Variants in ATXN7L1 observed in about 807,000 individuals in gnomAD.
The protein encoded by ATXN7L1 is ataxin 7 like 1, also known as ataxin-7-like protein 1.
ATXN7L1 carries 15 observed loss-of-function variants against 70.8 expected under a neutral mutation model. The observed-to-expected ratio is 0.21, with a 90% CI of 0.14 to 0.33. ATXN7L1 has a LOEUF of 0.33. Ranked by LOEUF, ATXN7L1 falls within the 10% of genes least tolerant of loss-of-function variation. ATXN7L1 has a pLI of 1.00. For synonymous variants in ATXN7L1, 440 were observed against 445.1 expected (o/e 0.99, Z 0.14); for missense variants, 975 against 1,097.1 (o/e 0.89, Z 1.57).
chr7:105,780,087 A>C (rs1407352172), intron 3 of ATXN7L1, among the ~76,000 whole-genome samples: 3 of 152,238 alleles, frequency 2.0e-5, no homozygotes, highest in African/African-American at 7.2e-5. Context: ...CACTGACATC[A>C]GGAGGGACTA....
chr7:105,867,123 C>T lies in ATXN7L1; in HGVS notation c.250+8689G>A, dbSNP rs1016685303. ...CCGCCGGCTGAAAGCATCAACATGGCCTCACAGTCTTAACTGATGCTGCAG... is the reference window on the plus strand; with the variant it reads ...CCGCCGGCTGAAAGCATCAACATGGTCTCACAGTCTTAACTGATGCTGCAG... On this transcript the variant is annotated intron_variant, in intron 2 of 11. Transcript: ENST00000419735. Among the ~76,000 whole-genome samples, 3 of 152,166 alleles carry T rather than the reference C, an allele frequency of 2.0e-5. No homozygotes were observed. In the East Asian group the frequency reaches 5.8e-4, roughly 29 times the overall value.
At chr7:105,855,504 A>G (rs1226578076) in intron 2 of ATXN7L1, among the ~76,000 whole-genome samples, 1 of 152,230 alleles carries the variant, frequency 6.6e-6, no homozygotes, top group Non-Finnish European at 1.5e-5. Flanking sequence ...GTGATATCAC[A>G]TTGACAGCTT....
intron 3 of ATXN7L1, among the ~76,000 whole-genome samples, chr7:105,740,768 C>CTTTTTTTTTTTT (rs1563055385): frequency 1.0e-5 from 1 of 98,244 alleles, no homozygotes; most frequent in African/African-American, 5.5e-5. Flanking sequence ...TGGCTCCATT[C>CTTTTTTTTTTTT]ATTTTTTTTT....
intron 4 of ATXN7L1, among the ~76,000 whole-genome samples, chr7:105,660,130 A>G (rs1801352934): frequency 1.3e-5 from 2 of 151,828 alleles, no homozygotes; most frequent in South Asian, 4.2e-4. Flanking sequence ...CCCTCCGTAC[A>G]CACCACTGCC....
chr7:105,873,004 A>G (rs1385111976), intron 2 of ATXN7L1, among the ~76,000 whole-genome samples: 2 of 152,096 alleles, frequency 1.3e-5, no homozygotes, highest in African/African-American at 4.8e-5. Flanking sequence ...AATTCAAAAA[A>G]TCAGCCGGGC....
intron 4 of ATXN7L1, among the ~76,000 whole-genome samples, chr7:105,656,072 C>T (rs1393378411): frequency 6.6e-6 from 1 of 152,250 alleles, no homozygotes; most frequent in African/African-American, 2.4e-5. Flanking sequence ...CCTCCTCCTA[C>T]CTCCTCTCTG....
chr7:105,745,426 T>C (rs1486623116), intron 3 of ATXN7L1, among the ~76,000 whole-genome samples: 3 of 152,256 alleles, frequency 2.0e-5, no homozygotes, highest in Non-Finnish European at 2.9e-5. Context: ...GTGGGCCGTG[T>C]ACGGGAATTC....
chr7:105,790,895 C>A lies in ATXN7L1; in HGVS notation c.251-2187G>T, dbSNP rs190100912. Among the ~76,000 whole-genome samples the A allele has an allele frequency of 4.1e-4, 63 of 152,230 alleles. No individual in the cohort carries two copies. In the East Asian group the frequency reaches 0.011, roughly 28 times the overall value. Reference sequence around the variant, plus strand: ...GAATTAAACCTCCTCTGGTTGAGAACCCCCACAAGCCTTCATCTGCTAGGT... The same window carrying A: ...GAATTAAACCTCCTCTGGTTGAGAAACCCCACAAGCCTTCATCTGCTAGGT... On this transcript the variant is annotated intron_variant, in intron 2 of 11. Coordinates refer to ENST00000419735, the MANE Select transcript of ATXN7L1 (RefSeq NM_020725.2).
rs1372188071 is a variant in ATXN7L1, at chr7:105,607,538, A to T, written c.*314T>A. ...CTGCTCTCATGGCTGGAGCAAAAGGATGGTACAGTAGCAGCATCAGGAGCT... is the reference window on the plus strand; with the variant it reads ...CTGCTCTCATGGCTGGAGCAAAAGGTTGGTACAGTAGCAGCATCAGGAGCT... On this transcript the variant is annotated 3_prime_UTR_variant, in exon 12 of 12. Transcript: ENST00000419735. The T allele has an allele frequency of 1.0e-5, 4 of 383,718 alleles. No homozygotes were observed. The East Asian group carries it at 1.4e-4, about 13-fold the overall frequency. 23.8% of individuals were successfully genotyped at this position (383,718 alleles called of 1,614,324 possible).
chr7:105,853,910 GC>G (rs1409840281), intron 2 of ATXN7L1, among the ~76,000 whole-genome samples: 1 of 152,182 alleles, frequency 6.6e-6, no homozygotes, highest in Non-Finnish European at 1.5e-5. Context: ...CTTCCCACAA[GC>G]GCTTGATGCA....
chr7:105,790,394 G>C (rs1452992726), intron 2 of ATXN7L1, among the ~76,000 whole-genome samples: 1 of 151,986 alleles, frequency 6.6e-6, no homozygotes, highest in African/African-American at 2.4e-5. Context: ...CCTGGAAAAC[G>C]AAGTGAGACC....
Position 105,762,753 on chromosome 7 carries a change from C to T in ATXN7L1, c.355+25851G>A, listed in dbSNP as rs867622415. On this transcript the variant is annotated intron_variant, in intron 3 of 11. Transcript: ENST00000419735. ...CCCTTCCTGCAGTGTGTGGGCTGGA[C>T]TTAGAGACTGATTTCTAATGAACAG... Among the ~76,000 whole-genome samples the T allele has an allele frequency of 9.2e-5, 14 of 152,320 alleles. No homozygotes were observed. In the Middle Eastern group the frequency reaches 0.014, roughly 148 times the overall value.
chr7:105,619,530 ATTTTTTTTTTTTTTTTTTTTTTTTT>A lies in ATXN7L1; in HGVS notation c.1517+645_1517+669del, dbSNP rs10593739. Among the ~76,000 whole-genome samples the A allele has an allele frequency of 3.9e-3, 59 of 15,184 alleles. 1 individual carries two copies. Among genetic ancestry groups the A allele is most frequent in the Middle Eastern group, 0.062 (1 of 16 alleles). 10.0% of individuals were successfully genotyped at this position (15,184 alleles called of 152,430 possible). A position where few individuals can be genotyped will look rare whatever the true frequency, so the allele number is the denominator to read the frequency against. On this transcript the variant is annotated intron_variant, in intron 9 of 11. Coordinates refer to ENST00000419735, the MANE Select transcript of ATXN7L1 (RefSeq NM_020725.2). ...TATATATATATATATATATATATAT[ATTTTTTTTTTTTTTTTTTTTTTTTT>A]TTTTTTTTTTTTAAGAGAGAGGGTC...
chr7:105,822,466 T>G (rs1478903466), intron 2 of ATXN7L1, among the ~76,000 whole-genome samples: 1 of 152,202 alleles, frequency 6.6e-6, no homozygotes, highest in African/African-American at 2.4e-5. Flanking sequence ...CACCTTCATA[T>G]CATTACTTCT....
At chr7:105,832,530 C>G (rs1302264969) in intron 2 of ATXN7L1, among the ~76,000 whole-genome samples, 1 of 152,180 alleles carries the variant, frequency 6.6e-6, no homozygotes, top group Non-Finnish European at 1.5e-5. Context: ...CTGAATAATT[C>G]TGAATTCGAA....
chr7:105,759,777 T>C (rs1011563169), intron 3 of ATXN7L1, among the ~76,000 whole-genome samples: 1 of 152,208 alleles, frequency 6.6e-6, no homozygotes, highest in Non-Finnish European at 1.5e-5. Context: ...TCTCTGACAT[T>C]CAGTTCTTTA....
chr7:105,797,921 T>C (rs1458375125), intron 2 of ATXN7L1, among the ~76,000 whole-genome samples: 1 of 152,240 alleles, frequency 6.6e-6, no homozygotes, highest in African/African-American at 2.4e-5. Flanking sequence ...CAGTCTGGCA[T>C]GTGGTAGCTG....
At chr7:105,792,128 T>C (rs906841927) in intron 2 of ATXN7L1, among the ~76,000 whole-genome samples, 5 of 152,212 alleles carry the variant, frequency 3.3e-5, no homozygotes, top group African/African-American at 1.2e-4. Flanking sequence ...ACATCTGTTA[T>C]GTCAGTGAGC....
chr7:105,768,563 T>C (rs115211180), intron 3 of ATXN7L1, among the ~76,000 whole-genome samples: 1 of 152,202 alleles, frequency 6.6e-6, no homozygotes, highest in African/African-American at 2.4e-5. Context: ...CCATCACGAG[T>C]AGGTTTACAT....
Sources: gnomAD v4.1 joint callset for allele counts (sites outside exome capture counted in the v4.1 genomes callset) on GRCh38, gnomAD v4.1.1 for gene constraint, MANE v1.5 for transcripts, NCBI Gene and HGNC (gene_info 2026-07-23, HGNC 2026-07-21) for gene names.